OPCML: variants seen among roughly 807,000 people sequenced by gnomAD.
The protein encoded by OPCML is opioid binding protein/cell adhesion molecule like, also known as opioid-binding protein/cell adhesion molecule.
A neutral mutation model predicts 37.8 loss-of-function variants in OPCML; 13 were observed. The ratio of observed to expected loss-of-function variants is 0.34; its 90% CI spans 0.22 to 0.55. OPCML has a LOEUF of 0.55. OPCML is among the 20% of genes least tolerant of loss of function. The pLI is 0.91. For missense variants in OPCML, 341 were observed against 435.6 expected, an observed-to-expected ratio of 0.78 and a Z score of 1.93; for synonymous variants, 176 against 168.8, an observed-to-expected ratio of 1.04 and a Z score of -0.33.
At chr11:132,484,987 G>A (rs2096194751) in intron 4 of OPCML, among the ~76,000 whole-genome samples, 1 of 152,140 alleles carries the variant, frequency 6.6e-6, no homozygotes, top group African/African-American at 2.4e-5. Context: ...GTTAGTGGGT[G>A]CAGCACACCA....
chr11:132,916,875 A>G (rs1944624124), intron 2 of OPCML, among the ~76,000 whole-genome samples: 1 of 152,190 alleles, frequency 6.6e-6, no homozygotes, highest in Non-Finnish European at 1.5e-5. Flanking sequence ...GACAGACGAC[A>G]CATTAGACCT....
At chr11:133,368,249 G>C (rs570244527) in intron 1 of OPCML, among the ~76,000 whole-genome samples, 7 of 146,678 alleles carry the variant, frequency 4.8e-5, no homozygotes, top group Non-Finnish European at 8.8e-5. Context: ...GGTGAGGTGG[G>C]GGGGGGAAGG....
intron 1 of OPCML, among the ~76,000 whole-genome samples, chr11:133,364,282 T>C (rs1278325274): frequency 6.6e-6 from 1 of 152,224 alleles, no homozygotes; most frequent in Non-Finnish European, 1.5e-5. Context: ...AATGGACCTT[T>C]ACTAAATTCT....
At chr11:133,044,946 G>T (rs1565416095) in intron 1 of OPCML, among the ~76,000 whole-genome samples, 1 of 152,170 alleles carries the variant, frequency 6.6e-6, no homozygotes, top group African/African-American at 2.4e-5. Flanking sequence ...CTCAGAAGAT[G>T]ATCTGGAACC....
chr11:132,941,046 A>C (rs1318953777), intron 2 of OPCML, among the ~76,000 whole-genome samples: 2 of 152,158 alleles, frequency 1.3e-5, no homozygotes, highest in African/African-American at 2.4e-5. Context: ...ATGCAATCAG[A>C]TAACAGATAA....
rs58784534 is a variant in OPCML, at chr11:132,446,103, C to CTTTTTTTT, written c.506-8752_506-8745dup. Among the ~76,000 whole-genome samples, 195 of 48,512 alleles carry CTTTTTTTT rather than the reference C, an allele frequency of 4.0e-3. 30 individuals are homozygous for CTTTTTTTT. The highest frequency in any genetic ancestry group is 7.6e-3 in the African/African-American group (85 of 11,144). 31.8% of individuals were successfully genotyped at this position (48,512 alleles called of 152,430 possible). A position where few individuals can be genotyped will look rare whatever the true frequency, so the allele number is the denominator to read the frequency against. On this transcript the variant is annotated intron_variant, in intron 4 of 7. Transcript: ENST00000524381. Reference sequence around the variant, plus strand: ...GTGTTTAGCTTGGCTCTGCTTGTGTCTTTTTTTTTTTTTTTTTTTTTTTTT... The same window carrying CTTTTTTTT: ...GTGTTTAGCTTGGCTCTGCTTGTGTCTTTTTTTTTTTTTTTTTTTTTTTTTTTTTTTTT...
chr11:132,788,081 A>G (rs1947284442), intron 2 of OPCML, among the ~76,000 whole-genome samples: 1 of 152,092 alleles, frequency 6.6e-6, no homozygotes, highest in Admixed American at 6.5e-5. Flanking sequence ...GGGTTTCACC[A>G]TGTTGGCCAG....
At position 132,747,051 on chromosome 11, in the gene OPCML, G is replaced by A. The variant is rs112981605; in HGVS notation, c.147-89732C>T. ...ATGAGATGATGTGAGCAAGATGCAT[G>A]TAGGGTAATAATAGTAACTAGAATT... On this transcript the variant is annotated intron_variant, in intron 2 of 7. Coordinates refer to ENST00000524381, the MANE Select transcript of OPCML (RefSeq NM_001012393.5). 6.1e-3 allele frequency among the ~76,000 whole-genome samples: 929 copies of A among 152,270 alleles called. 11 individuals carry two copies. Among genetic ancestry groups the A allele is most frequent in the African/African-American group, 0.021 (863 of 41,546 alleles).
intron 2 of OPCML, among the ~76,000 whole-genome samples, chr11:132,895,302 T>C (rs1487009280): frequency 7.2e-5 from 11 of 152,230 alleles, no homozygotes; most frequent in Admixed American, 6.5e-4. Context: ...ATAATGACTT[T>C]GGTTGGTTGC....
chr11:133,039,991 T>G (rs1379821185), intron 1 of OPCML, among the ~76,000 whole-genome samples: 1 of 151,388 alleles, frequency 6.6e-6, no homozygotes, highest in Non-Finnish European at 1.5e-5. Context: ...ATCACACCAC[T>G]GCACTACAGC....
chr11:132,751,383 G>A (rs1945827233), intron 2 of OPCML, among the ~76,000 whole-genome samples: 1 of 152,108 alleles, frequency 6.6e-6, no homozygotes, highest in Non-Finnish European at 1.5e-5. Context: ...CTGCAGTGTG[G>A]GTGAGAGTCA....
intron 2 of OPCML, among the ~76,000 whole-genome samples, chr11:132,764,347 C>T (rs775891812): frequency 6.6e-6 from 1 of 152,142 alleles, no homozygotes; most frequent in Admixed American, 6.5e-5. Flanking sequence ...AGCCTGTGAG[C>T]CTTTCCTCAT....
chr11:132,597,589 A>G (rs2096494375), intron 3 of OPCML, among the ~76,000 whole-genome samples: 1 of 152,176 alleles, frequency 6.6e-6, no homozygotes, highest in Non-Finnish European at 1.5e-5. Flanking sequence ...GACAGTGACT[A>G]CTGATATTAT....
At chr11:132,760,560 C>CTTT (rs200647564) in intron 2 of OPCML, among the ~76,000 whole-genome samples, 15 of 126,892 alleles carry the variant, frequency 1.2e-4, no homozygotes, top group African/African-American at 3.7e-4. Flanking sequence ...TAATGCCCTT[C>CTTT]TTTTTTTTTT....
chr11:133,295,312 T>C (rs758978154), intron 1 of OPCML, among the ~76,000 whole-genome samples: 1 of 152,210 alleles, frequency 6.6e-6, no homozygotes, highest in African/African-American at 2.4e-5. Flanking sequence ...TCTTCATTGA[T>C]AGAAGTGGTA....
chr11:132,479,529 C>A (rs2137005542), intron 4 of OPCML, among the ~76,000 whole-genome samples: 1 of 152,336 alleles, frequency 6.6e-6, no homozygotes, highest in South Asian at 2.1e-4. Context: ...CACCACAGCT[C>A]AAGGAGGCCT....
intron 2 of OPCML, among the ~76,000 whole-genome samples, chr11:132,750,295 T>C (rs1398011926): frequency 1.3e-5 from 2 of 152,166 alleles, no homozygotes; most frequent in Non-Finnish European, 2.9e-5. Context: ...TGGAAGTAAA[T>C]TATATAATAT....
At chr11:132,958,476 G>A (rs1946015910) in intron 1 of OPCML, among the ~76,000 whole-genome samples, 1 of 152,206 alleles carries the variant, frequency 6.6e-6, no homozygotes, top group Admixed American at 6.5e-5. Context: ...TGATGAAGGT[G>A]GCTACACTCA....
chr11:133,248,541 G>A (rs1431672023), intron 1 of OPCML, among the ~76,000 whole-genome samples: 1 of 152,232 alleles, frequency 6.6e-6, no homozygotes, highest in East Asian at 1.9e-4. Flanking sequence ...ATCAGTCTGT[G>A]GTGTTAAATT....
Sources: allele counts gnomAD v4.1 joint callset (sites outside exome capture counted in the v4.1 genomes callset), GRCh38; gene constraint gnomAD v4.1.1; transcripts MANE v1.5; gene names NCBI Gene and HGNC (gene_info 2026-07-23, HGNC 2026-07-21).